DYNC1I1: variants seen among roughly 807,000 people sequenced by gnomAD.
DYNC1I1 encodes cytoplasmic dynein 1 intermediate chain 1.
DYNC1I1 carries 43 observed loss-of-function variants against 86.6 expected under a neutral mutation model. The ratio of observed to expected loss-of-function variants is 0.50; its 90% CI spans 0.39 to 0.64. The LOEUF is 0.64. Ranked by LOEUF, DYNC1I1 falls within the 30% of genes least tolerant of loss-of-function variation. The probability of loss-of-function intolerance (pLI) is 0.00; values close to 1 mark genes in which losing one functional copy is unlikely to be tolerated. For missense variants in DYNC1I1, 604 were observed against 788.8 expected (o/e 0.77, Z 2.81); for synonymous variants, 262 against 283.7 (o/e 0.92, Z 0.77).
chr7:95,846,765 A>G (rs1789444323), intron 5 of DYNC1I1, among the ~76,000 whole-genome samples: 1 of 152,054 alleles, frequency 6.6e-6, no homozygotes, highest in Non-Finnish European at 1.5e-5. Context: ...TCTAAGAATC[A>G]GTCCTTCAGA....
intron 4 of DYNC1I1, among the ~76,000 whole-genome samples, chr7:95,822,692 G>C (rs1795102943): frequency 1.3e-5 from 2 of 152,264 alleles, no homozygotes; most frequent in South Asian, 2.1e-4. Context: ...ATCCCACCTA[G>C]ACAGAACCTC....
intron 14 of DYNC1I1, among the ~76,000 whole-genome samples, chr7:96,072,742 A>G (rs1054449159): frequency 6.6e-6 from 1 of 152,190 alleles, no homozygotes; most frequent in African/African-American, 2.4e-5. Flanking sequence ...AATCTTTAGA[A>G]TCTTTAGAAC....
intron 6 of DYNC1I1, among the ~76,000 whole-genome samples, chr7:95,970,802 A>C (rs879399285): frequency 6.6e-6 from 1 of 152,206 alleles, no homozygotes; most frequent in Non-Finnish European, 1.5e-5. Context: ...CAAAAAACTA[A>C]TTTTACACGG....
At chr7:96,054,202 G>T (rs1789501002) in intron 14 of DYNC1I1, among the ~76,000 whole-genome samples, 1 of 152,024 alleles carries the variant, frequency 6.6e-6, no homozygotes, top group Admixed American at 6.6e-5. Context: ...TGTTCTCATT[G>T]TTCAACTTCC....
At chr7:95,916,952 G>T (rs951424202) in intron 6 of DYNC1I1, among the ~76,000 whole-genome samples, 7 of 152,100 alleles carry the variant, frequency 4.6e-5, no homozygotes, top group Non-Finnish European at 8.8e-5. Context: ...ATAAAACCAG[G>T]CAATTAGTGT....
At chr7:95,900,959 G>A (rs1231408445) in intron 6 of DYNC1I1, among the ~76,000 whole-genome samples, 1 of 152,138 alleles carries the variant, frequency 6.6e-6, no homozygotes, top group Non-Finnish European at 1.5e-5. Context: ...AATATTAAAA[G>A]GTCCTTTAAT....
intron 10 of DYNC1I1, 22 bp from the exon 11 acceptor site, chr7:96,028,153 T>C: frequency 1.2e-6 from 2 of 1,612,234 alleles, no homozygotes; most frequent in African/African-American, 1.3e-5. Context: ...CATCTCTCTC[T>C]CTCTCTCCTT....
rs140044885 is a variant in DYNC1I1 at position 96,076,341 on chromosome 7, T to C, written c.1650+144T>C. 5,793 of 1,248,600 alleles carry C rather than the reference T, an allele frequency of 4.6e-3. 24 individuals carry two copies. The highest frequency in any genetic ancestry group is 6.7e-3 in the Middle Eastern group (25 of 3,740). The allele number at this position is 1,248,600 out of a possible 1,614,324, so 77.3% of individuals were successfully genotyped here. The stretch of plus-strand genomic sequence containing the variant: ...AGGGCTGCCGGCCCCCATTCTTGAC[T>C]ACCCTGAAGGGAATTGGCAGATGCA... On this transcript the variant is annotated intron_variant, in intron 15 of 16. Coordinates refer to ENST00000447467, the MANE Select transcript of DYNC1I1 (RefSeq NM_001135556.2).
intron 6 of DYNC1I1, among the ~76,000 whole-genome samples, chr7:95,871,115 G>A (rs1170909517): frequency 2.6e-5 from 4 of 152,220 alleles, no homozygotes; most frequent in East Asian, 1.9e-4. Flanking sequence ...AATAAATAAC[G>A]CCAAAAGCAA....
At chr7:95,793,472 G>A (rs1392413632) in intron 1 of DYNC1I1, among the ~76,000 whole-genome samples, 6 of 152,100 alleles carry the variant, frequency 3.9e-5, no homozygotes, top group Non-Finnish European at 7.4e-5. Context: ...CAGGGCAGAA[G>A]GGAATGGAAG....
chr7:96,043,260 G>T (rs911969351), intron 14 of DYNC1I1, among the ~76,000 whole-genome samples: 3 of 151,584 alleles, frequency 2.0e-5, no homozygotes, highest in African/African-American at 7.3e-5. Flanking sequence ...AATGATTATT[G>T]CTGATAATAT....
intron 1 of DYNC1I1, among the ~76,000 whole-genome samples, chr7:95,779,648 A>G (rs1320746053): frequency 6.6e-6 from 1 of 152,174 alleles, no homozygotes; most frequent in African/African-American, 2.4e-5. Flanking sequence ...GCTCCTTCAG[A>G]CATCATTGTG....
chr7:95,891,096 G>A (rs1349530185), intron 6 of DYNC1I1, among the ~76,000 whole-genome samples: 4 of 152,162 alleles, frequency 2.6e-5, no homozygotes, highest in Non-Finnish European at 4.4e-5. Flanking sequence ...CTTATAGGAA[G>A]GGGAAATTAG....
intron 6 of DYNC1I1, among the ~76,000 whole-genome samples, chr7:95,907,508 A>T (rs920694451): frequency 1.2e-4 from 18 of 152,044 alleles, no homozygotes; most frequent in African/African-American, 3.9e-4. Flanking sequence ...CTATGGTCAA[A>T]TCACATTCCT....
intron 9 of DYNC1I1, among the ~76,000 whole-genome samples, chr7:95,992,222 A>G (rs1793748043): frequency 6.6e-6 from 1 of 151,826 alleles, no homozygotes; most frequent in Non-Finnish European, 1.5e-5. Context: ...CTGCTTTTTT[A>G]TTTGTCTTGT....
At chr7:96,062,163 A>G (rs914815757) in intron 14 of DYNC1I1, among the ~76,000 whole-genome samples, 3 of 152,112 alleles carry the variant, frequency 2.0e-5, no homozygotes, top group Admixed American at 2.0e-4. Context: ...AGATGATGGT[A>G]TTTTCTAGGT....
chr7:96,097,355 T>TA, intron 16 of DYNC1I1, 128 bp from the exon 17 acceptor site: 1 of 999,942 alleles, frequency 1.0e-6, no homozygotes, highest in Non-Finnish European at 1.5e-6. Flanking sequence ...ATGTTTGATT[T>TA]CCTTTACATT....
chr7:95,849,437 A>T (rs1789520013), intron 5 of DYNC1I1, among the ~76,000 whole-genome samples: 4 of 152,092 alleles, frequency 2.6e-5, no homozygotes, highest in Admixed American at 2.6e-4. Context: ...CTGCATGTGG[A>T]TATCCAGTTT....
At chr7:96,063,107 A>ATATGTGTGTG (rs1288093062) in intron 14 of DYNC1I1, among the ~76,000 whole-genome samples, 2 of 129,102 alleles carry the variant, frequency 1.5e-5, no homozygotes, top group African/African-American at 6.8e-5. Flanking sequence ...GTGTATATAT[A>ATATGTGTGTG]TGTGTGTGTG....
Sources: gnomAD v4.1 joint callset for allele counts (sites outside exome capture counted in the v4.1 genomes callset) on GRCh38, gnomAD v4.1.1 for gene constraint, MANE v1.5 for transcripts, NCBI Gene and HGNC (gene_info 2026-07-23, HGNC 2026-07-21) for gene names.